NUP155: variants seen among roughly 807,000 people sequenced by gnomAD.
NUP155 encodes nuclear pore complex protein Nup155.
Under a neutral mutation model 180.4 loss-of-function variants are expected in NUP155, and 71 were observed. The observed-to-expected ratio is 0.39, with a 90% confidence interval of 0.33 to 0.48. NUP155 has a LOEUF of 0.48. Ranked by LOEUF, NUP155 falls within the 20% of genes least tolerant of loss-of-function variation. The probability of loss-of-function intolerance (pLI) is 0.91; values close to 1 mark genes in which losing one functional copy is unlikely to be tolerated. For synonymous variants in NUP155, 582 were observed against 559.5 expected (o/e 1.04, Z -0.57); for missense variants, 1,553 against 1,648.9 (o/e 0.94, Z 1.01).
chr5:37,310,197 G>T (rs868216870), intron 23 of NUP155, among the ~76,000 whole-genome samples: 1 of 152,036 alleles, frequency 6.6e-6, no homozygotes, highest in African/African-American at 2.4e-5. Flanking sequence ...AATTGGCTGG[G>T]TGTAGTGGTG....
chr5:37,348,533 T>C lies in NUP155; in HGVS notation c.967A>G (p.Ile323Val), dbSNP rs748067505. ...GCAATGTTACCAGCAGCAGAGACAATGGCATTCTGTGACACAGAGGCAACT... is the reference window on the plus strand; with the variant it reads ...GCAATGTTACCAGCAGCAGAGACAACGGCATTCTGTGACACAGAGGCAACT... ...SRVASVSQNAIVSAAGNIART... is the reference protein window; with the variant it reads ...SRVASVSQNAVVSAAGNIART... Residue 323 changes from isoleucine to valine, a missense_variant, in exon 9 of 35, where the codon ATT (isoleucine) becomes GTT (valine). Physicochemically the swap from Ile to Val is conservative, Grantham distance 29. Coordinates refer to ENST00000231498, the MANE Select transcript of NUP155 (RefSeq NM_153485.3). The C allele has an allele frequency of 4.3e-6, 7 of 1,611,646 alleles. No homozygotes were observed. Among genetic ancestry groups the C allele is most frequent in the Non-Finnish European group, 5.1e-6 (6 of 1,177,754 alleles).
chr5:37,310,535 G>A lies in NUP155; in HGVS notation c.2628+17C>T. 1 of 1,590,082 alleles carries A rather than the reference G, an allele frequency of 6.3e-7. No homozygotes were observed. Among genetic ancestry groups the A allele is most frequent in the East Asian group, 2.2e-5 (1 of 44,672 alleles). ...CCTCTTATAACAAACAATGAAATAGGTAATAAAGTATCATACCTTAGAACA... is the reference window on the plus strand; with the variant it reads ...CCTCTTATAACAAACAATGAAATAGATAATAAAGTATCATACCTTAGAACA... On this transcript the variant is annotated intron_variant, in intron 23 of 34. Coordinates refer to ENST00000231498, the MANE Select transcript of NUP155 (RefSeq NM_153485.3).
chr5:37,369,492 G>T (rs373510837), intron 1 of NUP155, among the ~76,000 whole-genome samples: 8 of 152,170 alleles, frequency 5.3e-5, no homozygotes, highest in African/African-American at 1.9e-4. Context: ...AAAGAGGAAG[G>T]TGTGTGTAAA....
chr5:37,324,813 G>A (rs1221473568), intron 19 of NUP155, among the ~76,000 whole-genome samples: 1 of 152,150 alleles, frequency 6.6e-6, no homozygotes, highest in East Asian at 1.9e-4. Flanking sequence ...TGTGGTTACA[G>A]GCACGGGCCA....
intron 1 of NUP155, chr5:37,370,562 A>G: frequency 9.7e-7 from 1 of 1,026,504 alleles, no homozygotes; most frequent in East Asian, 3.0e-5. Flanking sequence ...CGAGAAGCTC[A>G]TTAAGGTTGA....
intron 34 of NUP155, 112 bp from the exon 35 acceptor site, chr5:37,292,150 A>G (rs565253131): frequency 2.0e-6 from 2 of 978,848 alleles, no homozygotes; most frequent in Non-Finnish European, 3.2e-6. Flanking sequence ...AGGAAAGACC[A>G]TGTGATTAAG....
At chr5:37,299,353 C>A in intron 31 of NUP155, 95 bp downstream of exon 31, 1 of 1,460,358 alleles carries the variant, frequency 6.8e-7, no homozygotes, top group Non-Finnish European at 9.6e-7. Flanking sequence ...TCATGAGCCA[C>A]TAGCAGCTTG....
intron 4 of NUP155, among the ~76,000 whole-genome samples, chr5:37,356,002 G>C (rs1009046208): frequency 5.9e-5 from 9 of 151,928 alleles, no homozygotes; most frequent in Admixed American, 2.6e-4. Flanking sequence ...GGCCGAGGTG[G>C]GCGGATCACC....
intron 1 of NUP155, among the ~76,000 whole-genome samples, chr5:37,367,122 G>A (rs1321343165): frequency 6.6e-6 from 1 of 151,664 alleles, no homozygotes; most frequent in Non-Finnish European, 1.5e-5. Flanking sequence ...CACAGCTCAG[G>A]GCAACCTCAG....
At chr5:37,359,109 A>G (rs1405186429) in intron 3 of NUP155, among the ~76,000 whole-genome samples, 1 of 151,456 alleles carries the variant, frequency 6.6e-6, no homozygotes, top group Non-Finnish European at 1.5e-5. Context: ...AGACCCTGGG[A>G]AACACAGTGA....
rs186485939 is a variant in NUP155 at position 37,312,442 on chromosome 5, A to C, written c.2437-1699T>G. ...CTGGATGGATGACTGGATTTCTACA[A>C]GGCAACAGCAAGGAAAAGAAAAAGA... On this transcript the variant is annotated intron_variant, in intron 22 of 34. Coordinates refer to ENST00000231498, the MANE Select transcript of NUP155 (RefSeq NM_153485.3). Among the ~76,000 whole-genome samples, 1,053 of 152,284 alleles carry C rather than the reference A, an allele frequency of 6.9e-3. 10 individuals are homozygous for C. Among genetic ancestry groups the C allele is most frequent in the African/African-American group, 0.024 (990 of 41,546 alleles).
In NUP155 at chr5:37,331,751, C is replaced by T. The variant is rs370884825; in HGVS notation, c.1563G>A (p.Arg521=). 3 of 1,611,520 alleles carry T rather than the reference C, an allele frequency of 1.9e-6. No individual in the cohort carries two copies. The highest frequency in any genetic ancestry group is 2.7e-5 in the African/African-American group (2 of 74,856). ...FHKLRPVDQL[R]HLLVSNVGGD... ...CTCCCACATTACTCACAAGTAGATGCCTCAGTTGATCTACAGGTCTAAGTT... is the reference window on the plus strand; with the variant it reads ...CTCCCACATTACTCACAAGTAGATGTCTCAGTTGATCTACAGGTCTAAGTT... The change falls in exon 14 of 35, where the codon AGG becomes AGA. Residue 521 remains arginine (R), a synonymous_variant. Transcript: ENST00000231498.
At chr5:37,303,899 G>T (rs923720540) in intron 27 of NUP155, among the ~76,000 whole-genome samples, 1 of 152,008 alleles carries the variant, frequency 6.6e-6, no homozygotes, top group Non-Finnish European at 1.5e-5. Flanking sequence ...CCATTATCGT[G>T]CCATTGCACT....
chr5:37,359,141 TTA>T (rs35639229), intron 3 of NUP155, among the ~76,000 whole-genome samples: 1 of 149,212 alleles, frequency 6.7e-6, no homozygotes, highest in African/African-American at 2.4e-5. Flanking sequence ...TATGAAAAAT[TTA>T]TATATATATA....
intron 13 of NUP155, among the ~76,000 whole-genome samples, chr5:37,332,292 T>C (rs550030074): frequency 2.9e-4 from 43 of 146,032 alleles, no homozygotes; most frequent in Non-Finnish European, 5.9e-4. Flanking sequence ...ACAAAAGCAA[T>C]TGAGGTTTCT....
intron 4 of NUP155, among the ~76,000 whole-genome samples, chr5:37,356,511 C>T (rs1191405059): frequency 1.3e-5 from 2 of 149,684 alleles, no homozygotes; most frequent in South Asian, 4.3e-4. Context: ...TGGTGACATG[C>T]GTTTATAATC....
chr5:37,302,062 T>C (rs1742892032), intron 29 of NUP155, among the ~76,000 whole-genome samples: 1 of 151,646 alleles, frequency 6.6e-6, no homozygotes, highest in Admixed American at 6.6e-5. Flanking sequence ...CTTGGATTTT[T>C]GTGAATAAGA....
chr5:37,338,431 C>T (rs10058937), intron 11 of NUP155, among the ~76,000 whole-genome samples: 1,883 of 133,002 alleles, frequency 0.014, 39 homozygotes, highest in African/African-American at 0.049. Context: ...TTTTTTGAGA[C>T]GGAGTCTCGC....
chr5:37,333,754 A>G (rs1745132037), intron 12 of NUP155, 121 bp from the exon 13 acceptor site: 2 of 728,464 alleles, frequency 2.7e-6, no homozygotes, highest in East Asian at 5.4e-5. Context: ...AATATTTTTG[A>G]AAGTATTATG....
Sources: allele counts gnomAD v4.1 joint callset (sites outside exome capture counted in the v4.1 genomes callset), GRCh38; gene constraint gnomAD v4.1.1; transcripts MANE v1.5; gene names NCBI Gene and HGNC (gene_info 2026-07-23, HGNC 2026-07-21).